Variants in BCKDHB observed in about 807,000 individuals in gnomAD.
BCKDHB encodes the protein 2-oxoisovalerate dehydrogenase subunit beta, mitochondrial.
Under a neutral mutation model 48.5 loss-of-function variants are expected in BCKDHB, and 41 were observed. That is an observed-to-expected ratio of 0.85 (90% CI 0.66 to 1.10). BCKDHB has a LOEUF of 1.10. Ranked by LOEUF, BCKDHB falls within the 50% of genes least tolerant of loss-of-function variation. BCKDHB has a pLI of 0.00. For synonymous variants in BCKDHB, 201 were observed against 174.8 expected, an observed-to-expected ratio of 1.15 and a Z score of -1.18; for missense variants, 496 against 494.2, an observed-to-expected ratio of 1.00 and a Z score of -0.03.
intron 8 of BCKDHB, among the ~76,000 whole-genome samples, chr6:80,242,670 T>C (rs2127916817): frequency 6.6e-6 from 1 of 152,320 alleles, no homozygotes; most frequent in Non-Finnish European, 1.5e-5. Flanking sequence ...TTCCTTTCCA[T>C]GAATATTGGA....
chr6:80,352,783 CAAAAT>C, the BCKDHB span, among the ~76,000 whole-genome samples: 1 of 152,172 alleles, frequency 6.6e-6, no homozygotes, highest in African/African-American at 2.4e-5. Flanking sequence ...GTTCTAACCA[CAAAAT>C]AAGTGAATGC....
chr6:80,234,014 C>T (rs531481009), intron 8 of BCKDHB, among the ~76,000 whole-genome samples: 1 of 152,074 alleles, frequency 6.6e-6, no homozygotes, highest in East Asian at 2.0e-4. Flanking sequence ...GCATTAGATT[C>T]TCATAAGGAG....
intron 3 of BCKDHB, among the ~76,000 whole-genome samples, chr6:80,157,150 C>G (rs185488930): frequency 3.1e-3 from 469 of 152,060 alleles, no homozygotes; most frequent in African/African-American, 0.011. Context: ...TAGATGTTTT[C>G]TATTTCATTT....
intron 9 of BCKDHB, among the ~76,000 whole-genome samples, chr6:80,323,815 C>T (rs1768871984): frequency 6.6e-6 from 1 of 152,194 alleles, no homozygotes; most frequent in Non-Finnish European, 1.5e-5. Context: ...CTCTGTTGCC[C>T]AGGCTGGCGT....
At chr6:80,462,109 A>AT in the BCKDHB span, among the ~76,000 whole-genome samples, 3 of 152,198 alleles carry the variant, frequency 2.0e-5, no homozygotes, top group South Asian at 6.2e-4. Context: ...ATTACCTTTA[A>AT]GCATATACTG....
chr6:80,430,500 T>C, the BCKDHB span, among the ~76,000 whole-genome samples: 52 of 152,108 alleles, frequency 3.4e-4, no homozygotes, highest in Non-Finnish European at 6.6e-4. Context: ...TCCTGGACTT[T>C]TTTTGGTTGG....
At chr6:80,316,383 T>C (rs1582557310) in intron 9 of BCKDHB, among the ~76,000 whole-genome samples, 1 of 152,052 alleles carries the variant, frequency 6.6e-6, no homozygotes, top group East Asian at 1.9e-4. Context: ...GCTTTTTTTT[T>C]ATTTTTCAAA....
At chr6:80,214,048 A>G (rs976770866) in intron 8 of BCKDHB, among the ~76,000 whole-genome samples, 2 of 152,302 alleles carry the variant, frequency 1.3e-5, no homozygotes, top group Admixed American at 6.5e-5. Context: ...CATTCTTGCT[A>G]TAGAAGACTT....
intron 9 of BCKDHB, among the ~76,000 whole-genome samples, chr6:80,278,211 C>T (rs2127971387): frequency 1.3e-5 from 2 of 152,234 alleles, no homozygotes; most frequent in East Asian, 3.9e-4. Flanking sequence ...CAAAACCTTT[C>T]CTAATAGCAA....
chr6:80,109,231 C>T (rs763491873), intron 1 of BCKDHB, among the ~76,000 whole-genome samples: 1 of 152,102 alleles, frequency 6.6e-6, no homozygotes, highest in Non-Finnish European at 1.5e-5. Flanking sequence ...AATAATAATA[C>T]CTACTTCAGA....
rs1773651272 is a variant in BCKDHB, at chr6:80,186,566, G to C, written c.743-14368G>C. On this transcript the variant is annotated intron_variant, in intron 6 of 9. Transcript: ENST00000320393. Reference sequence around the variant, plus strand: ...CTGCACCATCAGCTGTGGCTTCTGTGCTTGTATCTGCAAGTTATATGTGCA... The same window carrying C: ...CTGCACCATCAGCTGTGGCTTCTGTCCTTGTATCTGCAAGTTATATGTGCA... 2.0e-5 allele frequency among the ~76,000 whole-genome samples: 3 copies of C among 152,178 alleles called. No homozygotes were observed. In the South Asian group the frequency reaches 6.2e-4, roughly 31 times the overall value.
intron 8 of BCKDHB, among the ~76,000 whole-genome samples, chr6:80,231,623 C>T (rs1402452086): frequency 5.3e-5 from 8 of 152,144 alleles, no homozygotes; most frequent in Admixed American, 3.9e-4. Context: ...TAGTACCCAC[C>T]TCTTAGTGCT....
At chr6:80,209,032 A>G (rs140621120) in intron 8 of BCKDHB, among the ~76,000 whole-genome samples, 4 of 152,040 alleles carry the variant, frequency 2.6e-5, no homozygotes, top group East Asian at 3.9e-4. Flanking sequence ...AGTTGATACA[A>G]TTCCTCATGT....
intron 9 of BCKDHB, among the ~76,000 whole-genome samples, chr6:80,333,457 T>C (rs1394283163): frequency 6.6e-6 from 1 of 152,196 alleles, no homozygotes; most frequent in Non-Finnish European, 1.5e-5. Flanking sequence ...CATGCACATA[T>C]TCCTTTTTTA....
At chr6:80,391,816 A>G in the BCKDHB span, among the ~76,000 whole-genome samples, 93 of 152,264 alleles carry the variant, frequency 6.1e-4, no homozygotes, top group African/African-American at 2.2e-3. Flanking sequence ...TTCCTTAAAT[A>G]TTCTCTGCAC....
chr6:80,449,707 T>C, the BCKDHB span, among the ~76,000 whole-genome samples: 2 of 152,196 alleles, frequency 1.3e-5, no homozygotes, highest in Non-Finnish European at 2.9e-5. Flanking sequence ...CTCTTAGAGA[T>C]GGTGATGTGG....
intron 9 of BCKDHB, 45 bp downstream of exon 9, chr6:80,273,266 C>T (rs1490633761): frequency 2.1e-6 from 3 of 1,449,680 alleles, no homozygotes; most frequent in South Asian, 1.1e-5. Context: ...TGCAATTCCA[C>T]ATGCCAATTC....
At chr6:80,385,127 G>A in the BCKDHB span, among the ~76,000 whole-genome samples, 1 of 152,166 alleles carries the variant, frequency 6.6e-6, no homozygotes, top group Admixed American at 6.5e-5. Flanking sequence ...TAATGAAGCT[G>A]GTTGGTTGCT....
intron 3 of BCKDHB, among the ~76,000 whole-genome samples, chr6:80,146,449 T>G (rs1192747504): frequency 6.6e-6 from 1 of 152,170 alleles, no homozygotes; most frequent in African/African-American, 2.4e-5. Context: ...AAAGAAGCAA[T>G]TGAACATAGG....
Sources: gnomAD v4.1 joint callset for allele counts (sites outside exome capture counted in the v4.1 genomes callset) on GRCh38, gnomAD v4.1.1 for gene constraint, MANE v1.5 for transcripts, NCBI Gene and HGNC (gene_info 2026-07-23, HGNC 2026-07-21) for gene names.